Variants in ZNF600 observed in about 807,000 individuals in gnomAD.
ZNF600 encodes zinc finger protein 600, also known as zinc finger protein KR-ZNF1.
In ZNF600, 4 loss-of-function variants were observed where a neutral mutation model predicts 7.3. The observed-to-expected ratio is 0.55, with a 90% CI of 0.27 to 1.25. The LOEUF (loss-of-function observed/expected upper bound fraction) is 1.25, where lower values mean the gene tolerates loss of function less well. Ranked by LOEUF, ZNF600 falls within the 50% of genes most tolerant of loss-of-function variation. The pLI is 0.12. For missense variants in ZNF600, 911 were observed against 922.1 expected (o/e 0.99, Z 0.16); for synonymous variants, 290 against 308.9 (o/e 0.94, Z 0.64).
the ZNF600 span, among the ~76,000 whole-genome samples, chr19:52,807,295 A>G: frequency 6.6e-6 from 1 of 152,220 alleles, no homozygotes; most frequent in South Asian, 2.1e-4. Flanking sequence ...AAGACATTAC[A>G]GATGAATCTA....
the ZNF600 span, among the ~76,000 whole-genome samples, chr19:52,795,683 C>T: frequency 6.6e-6 from 1 of 152,120 alleles, no homozygotes; most frequent in Non-Finnish European, 1.5e-5. Context: ...TCTCCTGCCT[C>T]AGCCTCCTGA....
the ZNF600 span, among the ~76,000 whole-genome samples, chr19:52,827,247 AAC>A: frequency 0.12 from 14,601 of 123,018 alleles, 1,073 homozygotes; most frequent in South Asian, 0.23. Flanking sequence ...TGTCTCTAAA[AAC>A]AAAAAAAAAA....
the ZNF600 span, among the ~76,000 whole-genome samples, chr19:52,824,813 C>T: frequency 6.6e-6 from 1 of 152,040 alleles, no homozygotes; most frequent in African/African-American, 2.4e-5. Context: ...ACCAGATATA[C>T]AAAGAGATAA....
chr19:52,780,814 T>A (rs973249399), intron 1 of ZNF600: 1 of 152,252 alleles, frequency 6.6e-6, no homozygotes, highest in African/African-American at 2.4e-5. Flanking sequence ...CTTTATATTA[T>A]AAATTACAAC....
chr19:52,789,945 G>A (rs1031993583), upstream of ZNF600, among the ~76,000 whole-genome samples: 2 of 151,980 alleles, frequency 1.3e-5, no homozygotes, highest in Admixed American at 6.6e-5. Flanking sequence ...GTCAAAGGGG[G>A]TTTGTTCCCT....
At chr19:52,777,659 G>A (rs1294229228) in intron 2 of ZNF600, among the ~76,000 whole-genome samples, 14 of 151,934 alleles carry the variant, frequency 9.2e-5, no homozygotes, top group Non-Finnish European at 1.5e-4. Context: ...GTGAAACCCC[G>A]TCTCAAATAA....
chr19:52,792,372 CT>C, the ZNF600 span, among the ~76,000 whole-genome samples: 1 of 152,114 alleles, frequency 6.6e-6, no homozygotes, highest in African/African-American at 2.4e-5. Context: ...AAAGTCACCC[CT>C]CTGCTCCCTG....
chr19:52,829,306 C>T, the ZNF600 span, among the ~76,000 whole-genome samples: 6 of 151,682 alleles, frequency 4.0e-5, no homozygotes, highest in South Asian at 2.1e-4. Flanking sequence ...TGCTGGTGCG[C>T]TGCACCCACT....
At chr19:52,829,162 C>A in the ZNF600 span, among the ~76,000 whole-genome samples, 1 of 148,202 alleles carries the variant, frequency 6.7e-6, no homozygotes, top group East Asian at 2.2e-4. Flanking sequence ...CCTCACTCAG[C>A]CTTATTTTTA....
At chr19:52,764,518 CTTTTTTTTTT>C (rs765918553), downstream of ZNF600, 1 of 126,628 alleles carries the variant, frequency 7.9e-6, no homozygotes, top group Non-Finnish European at 1.7e-5. Context: ...CTTTGATATC[CTTTTTTTTTT>C]TTTTTTTTTG....
At chr19:52,811,040 C>T in the ZNF600 span, among the ~76,000 whole-genome samples, 1 of 149,454 alleles carries the variant, frequency 6.7e-6, no homozygotes, top group South Asian at 2.1e-4. Context: ...CAGGCACGCG[C>T]CGCCACGCCT....
intron 1 of ZNF600, among the ~76,000 whole-genome samples, chr19:52,785,570 C>T (rs891961986): frequency 6.6e-6 from 1 of 152,044 alleles, no homozygotes; most frequent in African/African-American, 2.4e-5. Flanking sequence ...TCTTGTTGTT[C>T]TTTCTCCCCA....
rs1359143522 is a variant in ZNF600 at position 52,767,034 on chromosome 19, G to GT, written c.928dup (p.Thr310AsnfsTer9). ...ATTACACTTGTGAGATTTTACTGCA[G>GT]TGTGAAGTCTACGATGGCATGTAAG... is the stretch of plus-strand genomic sequence containing the variant. On this transcript the variant is annotated frameshift_variant, in exon 4 of 4. Coordinates refer to ENST00000648973, the Ensembl canonical transcript of ZNF600. LOFTEE classifies it low-confidence loss of function (END_TRUNC). 1 of 1,613,944 alleles carries GT rather than the reference G, an allele frequency of 6.2e-7. No individual in the cohort carries two copies. Among genetic ancestry groups the GT allele is most frequent in the Non-Finnish European group, 8.5e-7 (1 of 1,180,008 alleles).
exon 4 of ZNF600, chr19:52,766,939 G>A (rs2062586503): frequency 6.2e-7 from 1 of 1,613,940 alleles, no homozygotes; most frequent in Non-Finnish European, 8.5e-7. Flanking sequence ...CACTTGTAAG[G>A]TTTTTCTCCA....
At chr19:52,818,098 A>T in the ZNF600 span, 1 of 1,432,394 alleles carries the variant, frequency 7.0e-7, no homozygotes, top group Non-Finnish European at 9.5e-7. Context: ...ACACAACAAC[A>T]CATACAAAGG....
the ZNF600 span, chr19:52,807,958 A>T: frequency 6.2e-7 from 1 of 1,610,214 alleles, no homozygotes. Context: ...AGGCAACAAG[A>T]GAAAATACAA....
In ZNF600 at chr19:52,766,423, CA is replaced by C; in HGVS notation, c.1539del (p.Tyr513Ter). 1 of 1,613,798 alleles carries C rather than the reference CA, an allele frequency of 6.2e-7. No individual in the cohort carries two copies. Among genetic ancestry groups the C allele is most frequent in the Non-Finnish European group, 8.5e-7 (1 of 1,179,970 alleles). ...CAACTGAAAACCTTTTCACATTCTT[CA>C]TATTTGTAAGGTTGCTCTCCAGTAT... On this transcript the variant is annotated frameshift_variant, in exon 4 of 4. Transcript: ENST00000648973. LOFTEE classifies it low-confidence loss of function (END_TRUNC).
the ZNF600 span, among the ~76,000 whole-genome samples, chr19:52,811,546 C>A: frequency 1.4e-4 from 21 of 149,056 alleles, no homozygotes; most frequent in Non-Finnish European, 1.9e-4. Flanking sequence ...GCCCCACCGC[C>A]CTGTCTGGGA....
the ZNF600 span, among the ~76,000 whole-genome samples, chr19:52,811,015 G>A: frequency 1.4e-5 from 2 of 142,276 alleles, no homozygotes; most frequent in East Asian, 2.3e-4. Flanking sequence ...TCAGCCTGCC[G>A]AGTGCCTGCG....
Sources: gnomAD v4.1 joint callset for allele counts (sites outside exome capture counted in the v4.1 genomes callset) on GRCh38, gnomAD v4.1.1 for gene constraint, MANE v1.5 for transcripts, NCBI Gene and HGNC (gene_info 2026-07-23, HGNC 2026-07-21) for gene names.